Variants in MAML2 observed in about 807,000 individuals in gnomAD.
The protein encoded by MAML2 is mastermind like transcriptional coactivator 2.
Under a neutral mutation model 96.1 loss-of-function variants are expected in MAML2, and 22 were observed. That is an observed-to-expected ratio of 0.23 (90% CI 0.16 to 0.33). MAML2 has a LOEUF of 0.33. Ranked by LOEUF, MAML2 falls within the 10% of genes least tolerant of loss-of-function variation. MAML2 has a pLI of 1.00. For synonymous variants in MAML2, 561 were observed against 521.3 expected (o/e 1.08, Z -1.04); for missense variants, 1,367 against 1,392.4 (o/e 0.98, Z 0.29).
intron 1 of MAML2, among the ~76,000 whole-genome samples, chr11:96,230,662 T>C (rs1862280780): frequency 6.6e-6 from 1 of 152,172 alleles, no homozygotes; most frequent in Non-Finnish European, 1.5e-5. Context: ...CCACATCAGA[T>C]TATGTTGATT....
chr11:96,092,655 G>A lies in MAML2; in HGVS notation c.1376C>T (p.Thr459Ile). The change falls in exon 2 of 5, where the codon ACC becomes ATC. Residue 459 changes from threonine to isoleucine, a missense_variant. Transcript: ENST00000524717. This position sits in a 1 kb window ranked among gnomAD's most constrained non-coding sequence, Gnocchi z 4.1. ...AGAAGAGGGCAAGGCTGACCAGTTG[G>A]TAGGCTGGTGCTGCTGCTGGTGCTG... ...MQQHQQQHQP[T>I]NWSALPSSAG... 1.2e-6 allele frequency: 2 copies of A among 1,613,308 alleles called. No individual in the cohort carries two copies. Among genetic ancestry groups the A allele is most frequent in the Non-Finnish European group, 1.7e-6 (2 of 1,179,722 alleles).
intron 1 of MAML2, among the ~76,000 whole-genome samples, chr11:96,317,649 A>C (rs886154769): frequency 1.2e-4 from 19 of 152,204 alleles, no homozygotes; most frequent in African/African-American, 3.9e-4. Flanking sequence ...GAGGAACTGA[A>C]AATAGGGCTG....
chr11:96,151,082 C>A (rs542693384), intron 1 of MAML2, among the ~76,000 whole-genome samples: 2 of 152,154 alleles, frequency 1.3e-5, no homozygotes, highest in Non-Finnish European at 2.9e-5. Context: ...AACACAAAAC[C>A]TTCTGTTGCT....
intron 3 of MAML2, among the ~76,000 whole-genome samples, chr11:95,986,681 C>G (rs1342721303): frequency 6.6e-6 from 1 of 152,112 alleles, no homozygotes; most frequent in Non-Finnish European, 1.5e-5. Context: ...CCTTGTTAGG[C>G]TAAGTAACTT....
At chr11:96,062,650 G>A (rs1459908389) in intron 2 of MAML2, among the ~76,000 whole-genome samples, 3 of 152,190 alleles carry the variant, frequency 2.0e-5, no homozygotes, top group African/African-American at 7.2e-5. Context: ...TTACCTCTTA[G>A]ACAGGATATC....
At chr11:96,319,232 A>C (rs1412633141) in intron 1 of MAML2, among the ~76,000 whole-genome samples, 1 of 152,152 alleles carries the variant, frequency 6.6e-6, no homozygotes, top group African/African-American at 2.4e-5. Flanking sequence ...GTGAACTTGG[A>C]AGCAGATCCT....
At chr11:96,230,336 CTA>C (rs1041177069) in intron 1 of MAML2, among the ~76,000 whole-genome samples, 2 of 152,092 alleles carry the variant, frequency 1.3e-5, no homozygotes, top group African/African-American at 4.8e-5. Context: ...TTGTATATAT[CTA>C]TATATATTTG....
chr11:96,301,497 C>T (rs1248622233), intron 1 of MAML2, among the ~76,000 whole-genome samples: 1 of 152,184 alleles, frequency 6.6e-6, no homozygotes, highest in Non-Finnish European at 1.5e-5. Flanking sequence ...GCAGAGCCGT[C>T]CCACATACAG....
chr11:96,010,367 G>C (rs890379001), intron 2 of MAML2, among the ~76,000 whole-genome samples: 1 of 152,174 alleles, frequency 6.6e-6, no homozygotes, highest in African/African-American at 2.4e-5. Flanking sequence ...AGAAGATACA[G>C]GGGCAGATTG....
At chr11:95,991,752 C>G (rs761924387) in intron 2 of MAML2, 29 bp from the exon 3 acceptor site, 2 of 1,579,916 alleles carry the variant, frequency 1.3e-6, no homozygotes, top group Admixed American at 1.7e-5. Context: ...GAAGGAAAAG[C>G]TACTGTGAAT....
chr11:96,101,972 A>G (rs1683397641), intron 1 of MAML2, among the ~76,000 whole-genome samples: 1 of 152,166 alleles, frequency 6.6e-6, no homozygotes, highest in Non-Finnish European at 1.5e-5. Flanking sequence ...AGCTCAGAAC[A>G]TTGCTCTTAA....
At chr11:96,238,268 T>A (rs1383102661) in intron 1 of MAML2, among the ~76,000 whole-genome samples, 1 of 152,214 alleles carries the variant, frequency 6.6e-6, no homozygotes, top group Non-Finnish European at 1.5e-5. Context: ...AGTGAAGGGC[T>A]TGTATAAAGG....
intron 2 of MAML2, among the ~76,000 whole-genome samples, chr11:96,060,955 C>T (rs1486742679): frequency 2.0e-5 from 3 of 152,110 alleles, no homozygotes; most frequent in Non-Finnish European, 4.4e-5. Flanking sequence ...AGACTGAGAA[C>T]TCAAGAGGTT....
intron 1 of MAML2, among the ~76,000 whole-genome samples, chr11:96,120,137 T>G (rs888215890): frequency 6.6e-6 from 1 of 152,106 alleles, no homozygotes; most frequent in Non-Finnish European, 1.5e-5. Context: ...TTTTGTATTT[T>G]TAGTAGAGAC....
intron 1 of MAML2, among the ~76,000 whole-genome samples, chr11:96,127,222 A>G (rs971346430): frequency 6.6e-6 from 1 of 152,216 alleles, no homozygotes; most frequent in Non-Finnish European, 1.5e-5. Context: ...CAGGTTGGCC[A>G]ATATGTTAAG....
chr11:95,986,366 T>G (rs1565181484), intron 3 of MAML2, among the ~76,000 whole-genome samples: 1 of 151,728 alleles, frequency 6.6e-6, no homozygotes, highest in Non-Finnish European at 1.5e-5. Context: ...CCCAGCAAAT[T>G]TTTGTATTTT....
intron 1 of MAML2, among the ~76,000 whole-genome samples, chr11:96,297,004 T>A (rs768685014): frequency 2.7e-4 from 41 of 152,272 alleles, no homozygotes; most frequent in Non-Finnish European, 5.4e-4. Flanking sequence ...CAGGCTCTTC[T>A]GTAACTAAAA....
intron 1 of MAML2, among the ~76,000 whole-genome samples, chr11:96,325,282 C>T (rs1863760394): frequency 7.2e-5 from 11 of 152,110 alleles, no homozygotes; most frequent in Admixed American, 7.2e-4. Context: ...CTGATGCTTA[C>T]TAGTGGAGTT....
In MAML2 at chr11:95,991,677, G is replaced by A. The variant is rs1312396948; in HGVS notation, c.2186C>T (p.Pro729Leu). Residue 729 changes from proline to leucine, a missense_variant, in exon 3 of 5, where the codon CCT becomes CTT. By Grantham distance (98) the Pro-to-Leu change is moderately conservative (BLOSUM62 -3). Transcript: ENST00000524717. Reference sequence around the variant, plus strand: ...AGTGTTTGGATTTGAGCAGGGGTTAGGACTTGGACTGGGGCCTGTGTTCTG... The same window carrying A: ...AGTGTTTGGATTTGAGCAGGGGTTAAGACTTGGACTGGGGCCTGTGTTCTG... ...VGQNTGPSPS[P>L]NPCSNPNTGS... The A allele has an allele frequency of 6.2e-7, 1 of 1,613,598 alleles. No homozygotes were observed. The highest frequency in any genetic ancestry group is 8.5e-7 in the Non-Finnish European group (1 of 1,179,732).
Sources: gnomAD v4.1 joint callset for allele counts (sites outside exome capture counted in the v4.1 genomes callset) on GRCh38, gnomAD v4.1.1 for gene constraint, Gnocchi (gnomAD v3.1) non-coding constraint, MANE v1.5 for transcripts, NCBI Gene and HGNC (gene_info 2026-07-23, HGNC 2026-07-21) for gene names.